SPTB: variants seen among roughly 807,000 people sequenced by gnomAD.
SPTB encodes the protein spectrin beta chain, erythrocytic.
In SPTB, 45 loss-of-function variants were observed where a neutral mutation model predicts 256.2. The ratio of observed to expected loss-of-function variants is 0.18; its 90% CI spans 0.14 to 0.23. The LOEUF is 0.23. Ranked by LOEUF, SPTB falls within the 10% of genes least tolerant of loss-of-function variation. The pLI is 1.00. For synonymous variants in SPTB, 1,231 were observed against 1,243.1 expected, an observed-to-expected ratio of 0.99 and a Z score of 0.21; for missense variants, 2,715 against 3,040.4, an observed-to-expected ratio of 0.89 and a Z score of 2.52.
chr14:64,753,478 A>G, intron 33 of SPTB, 59 bp downstream of exon 33: 1 of 1,610,416 alleles, frequency 6.2e-7, no homozygotes, highest in Non-Finnish European at 8.5e-7. Flanking sequence ...CTCTGCTAGC[A>G]GAGAGATCCC....
At chr14:64,813,019 C>T (rs2083120569) in intron 2 of SPTB, among the ~76,000 whole-genome samples, 1 of 152,158 alleles carries the variant, frequency 6.6e-6, no homozygotes, top group Non-Finnish European at 1.5e-5. Flanking sequence ...ATTTCAATGA[C>T]AGGAAAGGAT....
rs1019885695 is a variant in SPTB, at chr14:64,765,392, G to A, written c.6345+1334C>T. Among the ~76,000 whole-genome samples, 7 of 152,080 alleles carry A rather than the reference G, an allele frequency of 4.6e-5. No individual in the cohort carries two copies. In the East Asian group the frequency reaches 1.2e-3, roughly 25 times the overall value. ...TCCCCAGAGCAGCTCCCTAAGCCTG[G>A]GTGACAGCCTCCCAGGCTCCCTGCA... is the stretch of plus-strand genomic sequence containing the variant. On this transcript the variant is annotated intron_variant, in intron 32 of 35. Transcript: ENST00000644917.
Position 64,797,719 on chromosome 14 carries a change from G to T in SPTB, c.1182+10C>A. Reference sequence around the variant, plus strand: ...CTACTGTCAATGCATAACGGAAAATGCTGTGGTACCCTGTTGATGTCAGAC... The same window carrying T: ...CTACTGTCAATGCATAACGGAAAATTCTGTGGTACCCTGTTGATGTCAGAC... On this transcript the variant is annotated intron_variant, in intron 10 of 35. Transcript: ENST00000644917. The T allele has an allele frequency of 6.9e-6, 11 of 1,582,842 alleles. No individual in the cohort carries two copies. The highest frequency in any genetic ancestry group is 9.6e-6 in the Non-Finnish European group (11 of 1,151,586).
chr14:64,851,027 G>A (rs1178485983), intron 1 of SPTB, among the ~76,000 whole-genome samples: 1 of 152,162 alleles, frequency 6.6e-6, no homozygotes, highest in Non-Finnish European at 1.5e-5. Flanking sequence ...CCAGGTAACA[G>A]CCCAGATTAT....
chr14:64,795,203 G>T lies in SPTB; in HGVS notation c.1644+134C>A. On this transcript the variant is annotated intron_variant, in intron 12 of 35. Coordinates refer to ENST00000644917, the MANE Select transcript of SPTB (RefSeq NM_001355436.2). This position sits in a 1 kb window ranked among gnomAD's most constrained non-coding sequence, Gnocchi z 6.5. The stretch of plus-strand genomic sequence containing the variant: ...GGCAGGTGCAGCTAGACACTTTGCT[G>T]CCTCAGTTTCTCTATTTTGACTCAG... 2 of 1,064,036 alleles carry T rather than the reference G, an allele frequency of 1.9e-6. No homozygotes were observed. Among genetic ancestry groups the T allele is most frequent in the Non-Finnish European group, 2.7e-6 (2 of 742,814 alleles). 65.9% of individuals were successfully genotyped at this position (1,064,036 alleles called of 1,614,324 possible). A position where few individuals can be genotyped will look rare whatever the true frequency, so the allele number is the denominator to read the frequency against.
intron 2 of SPTB, among the ~76,000 whole-genome samples, chr14:64,809,375 T>A (rs1181111928): frequency 6.6e-6 from 1 of 151,120 alleles, no homozygotes; most frequent in East Asian, 2.0e-4. Flanking sequence ...AGATGGAGTC[T>A]CGCTCTGTTG....
chr14:64,805,496 C>T (rs1004992220), intron 2 of SPTB, among the ~76,000 whole-genome samples: 6 of 152,196 alleles, frequency 3.9e-5, no homozygotes, highest in African/African-American at 1.2e-4. Context: ...TACCCCACCT[C>T]CTTCACTTAA....
rs1005721240 is a variant in SPTB, at chr14:64,790,866, C to T, written c.2804+853G>A. ...AATTTCACCCCACACTGAAAGCACC[C>T]CCTCTCTAAAGGCTCCTTGGGGCCT... On this transcript the variant is annotated intron_variant, in intron 15 of 35. Coordinates refer to ENST00000644917, the MANE Select transcript of SPTB (RefSeq NM_001355436.2). This position sits in a 1 kb window ranked among gnomAD's most constrained non-coding sequence, Gnocchi z 4.8. Among the ~76,000 whole-genome samples, 1 of 152,194 alleles carries T rather than the reference C, an allele frequency of 6.6e-6. No individual in the cohort carries two copies. Among genetic ancestry groups the T allele is most frequent in the East Asian group, 1.9e-4 (1 of 5,192 alleles).
Position 64,749,863 on chromosome 14 carries a change from A to G in SPTB, c.6776+118T>C. The G allele has an allele frequency of 6.6e-7, 1 of 1,524,616 alleles. No individual in the cohort carries two copies. Among genetic ancestry groups the G allele is most frequent in the Non-Finnish European group, 9.1e-7 (1 of 1,103,896 alleles). 94.4% of individuals were successfully genotyped at this position (1,524,616 alleles called of 1,614,324 possible). ...CTGGACCATCAGCCTCTTTGATTTG[A>G]AAAACCCCTGAGGAGCAGCTCAGGC... On this transcript the variant is annotated intron_variant, in intron 34 of 35. Coordinates refer to ENST00000644917, the MANE Select transcript of SPTB (RefSeq NM_001355436.2). This position sits in a 1 kb window ranked among gnomAD's most constrained non-coding sequence, Gnocchi z 4.7.
At chr14:64,815,397 C>T (rs1429713068) in intron 2 of SPTB, among the ~76,000 whole-genome samples, 1 of 152,244 alleles carries the variant, frequency 6.6e-6, no homozygotes, top group Non-Finnish European at 1.5e-5. Context: ...CCCCGGGATC[C>T]TAGTCCTGTC....
At position 64,790,635 on chromosome 14, in the gene SPTB, C is replaced by T. The variant is rs1466349071; in HGVS notation, c.2804+1084G>A. Among the ~76,000 whole-genome samples the T allele has an allele frequency of 2.0e-5, 3 of 152,208 alleles. No individual in the cohort carries two copies. Among genetic ancestry groups the T allele is most frequent in the East Asian group, 1.9e-4 (1 of 5,192 alleles). On this transcript the variant is annotated intron_variant, in intron 15 of 35. Coordinates refer to ENST00000644917, the MANE Select transcript of SPTB (RefSeq NM_001355436.2). This position sits in a 1 kb window ranked among gnomAD's most constrained non-coding sequence, Gnocchi z 4.8. Reference sequence around the variant, plus strand: ...CCCCCCAGTGAACTCTCCACTGTGCCGATCCCTTTCTTTACAATGGAGTCT... The same window carrying T: ...CCCCCCAGTGAACTCTCCACTGTGCTGATCCCTTTCTTTACAATGGAGTCT...
chr14:64,749,964 G>A lies in SPTB; in HGVS notation c.6776+17C>T. On this transcript the variant is annotated intron_variant, in intron 34 of 35. Coordinates refer to ENST00000644917, the MANE Select transcript of SPTB (RefSeq NM_001355436.2). The surrounding 1 kb of genome is among the most constrained non-coding windows in gnomAD (Gnocchi z 4.7). ...CAAGCCATCAACCCGAGCTTTCAAA[G>A]GCCAGGAAGGCCTCACCTCAGCTTA... 1 of 1,614,194 alleles carries A rather than the reference G, an allele frequency of 6.2e-7. No individual in the cohort carries two copies. Among genetic ancestry groups the A allele is most frequent in the Non-Finnish European group, 8.5e-7 (1 of 1,180,048 alleles).
chr14:64,794,539 C>T lies in SPTB; in HGVS notation c.1723G>A (p.Ala575Thr). The change falls in exon 13 of 36, where the codon GCT becomes ACT. Residue 575 changes from alanine (A) to threonine (T), a missense_variant. Physicochemically the swap from Ala to Thr is moderately conservative, Grantham distance 58. Coordinates refer to ENST00000644917, the MANE Select transcript of SPTB (RefSeq NM_001355436.2). Reference sequence around the variant, plus strand: ...TTGTCCCCTTGGATGGCGATGTCAGCTTCCATCAACTTGTGCTTCTGTAGC... The same window carrying T: ...TTGTCCCCTTGGATGGCGATGTCAGTTTCCATCAACTTGTGCTTCTGTAGC... ...DLLQKHKLME[A>T]DIAIQGDKVK... The T allele has an allele frequency of 3.7e-6, 6 of 1,614,208 alleles. No individual in the cohort carries two copies. Among genetic ancestry groups the T allele is most frequent in the Non-Finnish European group, 2.5e-6 (3 of 1,180,042 alleles).
intron 1 of SPTB, among the ~76,000 whole-genome samples, chr14:64,850,638 A>T (rs1180082826): frequency 6.6e-6 from 1 of 152,222 alleles, no homozygotes; most frequent in Non-Finnish European, 1.5e-5. Flanking sequence ...GGAGAAGTGA[A>T]ATAAGTAGAA....
At position 64,773,392 on chromosome 14, in the gene SPTB, T is replaced by C; in HGVS notation, c.5006A>G (p.Asp1669Gly). The C allele has an allele frequency of 6.2e-7, 1 of 1,614,170 alleles. No individual in the cohort carries two copies. The highest frequency in any genetic ancestry group is 8.5e-7 in the Non-Finnish European group (1 of 1,180,038). Reference sequence around the variant, plus strand: ...GTCCTTCAGCCCTGCGTAGTGCTTGTCCACTTGCCCCTGAAGTCTGATGAT... The same window carrying C: ...GTCCTTCAGCCCTGCGTAGTGCTTGCCCACTTGCCCCTGAAGTCTGATGAT... ...EQIIRLQGQV[D>G]KHYAGLKDVA... Residue 1669 changes from aspartate to glycine, a missense_variant, in exon 25 of 36, where the codon GAC becomes GGC. Transcript: ENST00000644917.
intron 32 of SPTB, among the ~76,000 whole-genome samples, chr14:64,761,170 G>A (rs2082088058): frequency 6.6e-6 from 1 of 152,210 alleles, no homozygotes; most frequent in Non-Finnish European, 1.5e-5. Context: ...AAGAAGTGTT[G>A]CCCTCGCCCG....
Position 64,775,026 on chromosome 14 carries a change from C to A in SPTB, c.4842+99G>T, listed in dbSNP as rs1447966270. 7 of 1,564,804 alleles carry A rather than the reference C, an allele frequency of 4.5e-6. No individual in the cohort carries two copies. The African/African-American group carries it at 9.4e-5, about 21-fold the overall frequency. On this transcript the variant is annotated intron_variant, in intron 23 of 35. Transcript: ENST00000644917. This position sits in a 1 kb window ranked among gnomAD's most constrained non-coding sequence, Gnocchi z 5.0. ...CTTGTGCCCCTCCCCTGGCCTCACT[C>A]CTCACACAGTTGGACTCACAAGGCT...
chr14:64,832,533 A>G (rs2083465562), intron 1 of SPTB, among the ~76,000 whole-genome samples: 1 of 152,042 alleles, frequency 6.6e-6, no homozygotes, highest in Non-Finnish European at 1.5e-5. Flanking sequence ...CTTCACTCCC[A>G]TGACTTGAAT....
chr14:64,796,498 G>C lies in SPTB; in HGVS notation c.1341+59C>G. On this transcript the variant is annotated intron_variant, in intron 11 of 35. Transcript: ENST00000644917. This position sits in a 1 kb window ranked among gnomAD's most constrained non-coding sequence, Gnocchi z 4.1. Reference sequence around the variant, plus strand: ...CCAGCTTGGACTCCAGCCCAGCCAAGAGCTGGGGGCTCTGAAGAATGTCCC... The same window carrying C: ...CCAGCTTGGACTCCAGCCCAGCCAACAGCTGGGGGCTCTGAAGAATGTCCC... The C allele has an allele frequency of 1.2e-6, 2 of 1,608,806 alleles. No individual in the cohort carries two copies. The highest frequency in any genetic ancestry group is 2.2e-5 in the South Asian group (2 of 90,874).
Sources: allele counts gnomAD v4.1 joint callset (sites outside exome capture counted in the v4.1 genomes callset), GRCh38; gene constraint gnomAD v4.1.1; non-coding constraint Gnocchi (gnomAD v3.1); transcripts MANE v1.5; gene names NCBI Gene and HGNC (gene_info 2026-07-23, HGNC 2026-07-21).